The following SDK2 variants were observed in gnomAD, a reference collection of about 807,000 sequenced individuals.
The protein encoded by SDK2 is protein sidekick-2.
Under a neutral mutation model 253.9 loss-of-function variants are expected in SDK2, and 105 were observed. The observed-to-expected ratio is 0.41, with a 90% confidence interval of 0.35 to 0.49. The LOEUF is 0.49. Ranked by LOEUF, SDK2 falls within the 20% of genes least tolerant of loss-of-function variation. The pLI is 0.06. For synonymous variants in SDK2, 1,249 were observed against 1,234.9 expected, an observed-to-expected ratio of 1.01 and a Z score of -0.24; for missense variants, 2,608 against 3,003.0, an observed-to-expected ratio of 0.87 and a Z score of 3.07.
intron 1 of SDK2, among the ~76,000 whole-genome samples, chr17:73,539,443 C>G (rs1030547489): frequency 2.8e-5 from 4 of 145,080 alleles, no homozygotes; most frequent in Non-Finnish European, 5.9e-5. Context: ...CAGGAGTGGG[C>G]AGAGGCCAGC....
At chr17:73,464,584 C>T (rs1567788247) in intron 3 of SDK2, among the ~76,000 whole-genome samples, 1 of 152,236 alleles carries the variant, frequency 6.6e-6, no homozygotes, top group South Asian at 2.1e-4. Context: ...CCAGCCTCAC[C>T]ATCTTCCACT....
chr17:73,369,414 C>T (rs150806167), intron 36 of SDK2, among the ~76,000 whole-genome samples: 23 of 152,328 alleles, frequency 1.5e-4, no homozygotes, highest in South Asian at 1.2e-3. Context: ...TCGGCCAAGA[C>T]GGCGGGCAGC....
At chr17:73,472,340 A>G in intron 2 of SDK2, 122 bp from the exon 3 acceptor site, 1 of 647,532 alleles carries the variant, frequency 1.5e-6, no homozygotes, top group Non-Finnish European at 2.8e-6. Flanking sequence ...GTACCAGGGA[A>G]CTCTTGACTC....
At chr17:73,617,666 C>G (rs2046078965) in intron 1 of SDK2, among the ~76,000 whole-genome samples, 1 of 152,182 alleles carries the variant, frequency 6.6e-6, no homozygotes, top group Non-Finnish European at 1.5e-5. Context: ...AACTCCATCT[C>G]CTGGAGAATT....
chr17:73,515,738 A>G (rs1479199033), intron 1 of SDK2, among the ~76,000 whole-genome samples: 4 of 152,252 alleles, frequency 2.6e-5, no homozygotes, highest in Admixed American at 2.6e-4. Context: ...CACCTTTTCA[A>G]GAATCTGGCT....
chr17:73,362,644 G>C (rs759699132), intron 38 of SDK2, among the ~76,000 whole-genome samples: 1 of 151,964 alleles, frequency 6.6e-6, no homozygotes, highest in Non-Finnish European at 1.5e-5. Context: ...TCCCACCTTG[G>C]CCTCTCAAAG....
At chr17:73,420,157 C>T (rs1240481626) in intron 15 of SDK2, among the ~76,000 whole-genome samples, 2 of 152,214 alleles carry the variant, frequency 1.3e-5, no homozygotes, top group Non-Finnish European at 2.9e-5. Flanking sequence ...GGGAGCCAAG[C>T]GCGACAGCAC....
intron 3 of SDK2, among the ~76,000 whole-genome samples, chr17:73,461,555 A>G (rs1033964993): frequency 6.6e-6 from 1 of 152,124 alleles, no homozygotes; most frequent in African/African-American, 2.4e-5. Context: ...GAGGTAGGAG[A>G]GAAGGGGTTC....
chr17:73,366,047 G>C (rs1429318490), intron 37 of SDK2, among the ~76,000 whole-genome samples: 1 of 152,190 alleles, frequency 6.6e-6, no homozygotes, highest in Non-Finnish European at 1.5e-5. Flanking sequence ...GGCAGGAAGC[G>C]TCCCAATCTG....
At chr17:73,419,082 T>C in intron 16 of SDK2, 84 bp downstream of exon 16, 1 of 1,473,276 alleles carries the variant, frequency 6.8e-7, no homozygotes, top group Non-Finnish European at 9.3e-7. Flanking sequence ...GCCATGAATT[T>C]GCACTGTTTT....
chr17:73,391,631 G>A (rs1009905639), intron 27 of SDK2, 93 bp from the exon 28 acceptor site: 8 of 536,374 alleles, frequency 1.5e-5, no homozygotes, highest in African/African-American at 5.9e-5. Context: ...GCAGGGTGGA[G>A]GGGGAAGGGG....
In SDK2 at chr17:73,340,734, G is replaced by GTTTTTTTT. The variant is rs10638504; in HGVS notation, c.6166-1802_6166-1795dup. Among the ~76,000 whole-genome samples the GTTTTTTTT allele has an allele frequency of 2.2e-3, 171 of 77,548 alleles. 41 individuals carry two copies. The highest frequency in any genetic ancestry group is 0.012 in the South Asian group (19 of 1,596). 50.9% of individuals were successfully genotyped at this position (77,548 alleles called of 152,430 possible). A position where few individuals can be genotyped will look rare whatever the true frequency, so the allele number is the denominator to read the frequency against. ...ATTTTCATGTAATGAAAACCTTAAA[G>GTTTTTTTT]TTTTTTTTTTTTTTTTTTTTTTTTT... On this transcript the variant is annotated intron_variant, in intron 44 of 44. Coordinates refer to ENST00000392650, the MANE Select transcript of SDK2 (RefSeq NM_001144952.2).
In SDK2 at chr17:73,498,877, G is replaced by A. The variant is rs561306629; in HGVS notation, c.224+8561C>T. Among the ~76,000 whole-genome samples, 10 of 152,326 alleles carry A rather than the reference G, an allele frequency of 6.6e-5. No individual in the cohort carries two copies. The South Asian group carries it at 1.7e-3, about 25-fold the overall frequency. On this transcript the variant is annotated intron_variant, in intron 2 of 44. Transcript: ENST00000392650. Reference sequence around the variant, plus strand: ...AGGCAGCACAGAGCAGGGGAGGGACGCAGGCTTGGGGTCCTGAAGATCCTG... The same window carrying A: ...AGGCAGCACAGAGCAGGGGAGGGACACAGGCTTGGGGTCCTGAAGATCCTG...
chr17:73,388,035 G>C lies in SDK2; in HGVS notation c.4195C>G (p.Arg1399Gly). ...ALVVTTEKRD[R>G]PQPPSRPMVQ... ...ATCGGCCTGCTGGGGGGCTGCGGACGGTCTGGGAGGTGGCAGAGGGGGAGG... is the reference window on the plus strand; with the variant it reads ...ATCGGCCTGCTGGGGGGCTGCGGACCGTCTGGGAGGTGGCAGAGGGGGAGG... The change falls in exon 30 of 45, where the codon CGT becomes GGT. Residue 1399 changes from arginine to glycine, a missense_variant and splice_region_variant. By Grantham distance (125) the Arg-to-Gly change is moderately radical. Transcript: ENST00000392650. 6.4e-7 allele frequency: 1 copy of C among 1,563,484 alleles called. No homozygotes were observed. The highest frequency in any genetic ancestry group is 1.2e-5 in the South Asian group (1 of 84,952).
chr17:73,635,283 C>T (rs1461334449), intron 1 of SDK2, among the ~76,000 whole-genome samples: 3 of 152,144 alleles, frequency 2.0e-5, no homozygotes, highest in African/African-American at 7.2e-5. Flanking sequence ...CCACTGCGCC[C>T]GGCCCATTTC....
chr17:73,407,194 A>G (rs960940287), intron 18 of SDK2, among the ~76,000 whole-genome samples: 6 of 152,210 alleles, frequency 3.9e-5, no homozygotes, highest in African/African-American at 1.4e-4. Flanking sequence ...ATCATTTCTC[A>G]CTGAAAGCAA....
In SDK2 at chr17:73,618,394, C is replaced by T. The variant is rs183066928; in HGVS notation, c.64+25631G>A. On this transcript the variant is annotated intron_variant, in intron 1 of 44. Transcript: ENST00000392650. The surrounding 1 kb of genome is among the most constrained non-coding windows in gnomAD (Gnocchi z 4.1). ...TTTATAGTCGTCAAAACAAGATTCT[C>T]CAGGGAGGCAGTGGTCGGCCAAGCC... is the stretch of plus-strand genomic sequence containing the variant. Among the ~76,000 whole-genome samples the T allele has an allele frequency of 2.2e-4, 34 of 152,328 alleles. No individual in the cohort carries two copies. The highest frequency in any genetic ancestry group is 6.0e-4 in the African/African-American group (25 of 41,562).
intron 1 of SDK2, among the ~76,000 whole-genome samples, chr17:73,589,093 GA>G (rs2045646214): frequency 6.6e-6 from 1 of 152,270 alleles, no homozygotes; most frequent in South Asian, 2.1e-4. Context: ...GTTCGAGCAA[GA>G]AAGACAAACT....
intron 2 of SDK2, among the ~76,000 whole-genome samples, chr17:73,500,257 T>C (rs2063877714): frequency 7.3e-6 from 1 of 137,134 alleles, no homozygotes. Context: ...CCGTCCATCC[T>C]CCTTCCATCT....
Sources: allele counts gnomAD v4.1 joint callset (sites outside exome capture counted in the v4.1 genomes callset), GRCh38; gene constraint gnomAD v4.1.1; non-coding constraint Gnocchi (gnomAD v3.1); transcripts MANE v1.5; gene names NCBI Gene and HGNC (gene_info 2026-07-23, HGNC 2026-07-21).